Variants in MAP3K2 observed in about 807,000 individuals in gnomAD.
MAP3K2 encodes mitogen-activated protein kinase kinase kinase 2.
Under a neutral mutation model 80.3 loss-of-function variants are expected in MAP3K2, and 24 were observed. That is an observed-to-expected ratio of 0.30 (90% CI 0.22 to 0.42). The LOEUF is 0.42. MAP3K2 is among the 10% of genes least tolerant of loss of function. The probability of loss-of-function intolerance (pLI) is 1.00; values close to 1 mark genes in which losing one functional copy is unlikely to be tolerated. For missense variants in MAP3K2, 608 were observed against 750.1 expected (o/e 0.81, Z 2.21); for synonymous variants, 244 against 253.7 (o/e 0.96, Z 0.36).
rs1686951925 is a variant in MAP3K2, at chr2:127,365,192, T to C, written c.-65-21998A>G. 3.6e-5 allele frequency among the ~76,000 whole-genome samples: 5 copies of C among 140,080 alleles called. No individual in the cohort carries two copies. The Admixed American group carries it at 3.6e-4, about 10-fold the overall frequency. 91.9% of individuals were successfully genotyped at this position (140,080 alleles called of 152,430 possible). ...AATGGCTTGCACTGAGCAGACACTCTAAGTGTTTTACATTTGATTTCATCC... is the reference window on the plus strand; with the variant it reads ...AATGGCTTGCACTGAGCAGACACTCCAAGTGTTTTACATTTGATTTCATCC... On this transcript the variant is annotated intron_variant, in intron 1 of 16. Transcript: ENST00000682094.
At position 127,306,667 on chromosome 2, in the gene MAP3K2, G is replaced by GTT. The variant is rs1685705927; in HGVS notation, c.*911_*912insAA. 1 of 151,994 alleles carries GTT rather than the reference G, an allele frequency of 6.6e-6. No individual in the cohort carries two copies. Among genetic ancestry groups the GTT allele is most frequent in the Non-Finnish European group, 1.5e-5 (1 of 67,998 alleles). 9.4% of individuals were successfully genotyped at this position (151,994 alleles called of 1,614,324 possible). A position where few individuals can be genotyped will look rare whatever the true frequency, so the allele number is the denominator to read the frequency against. On this transcript the variant is annotated 3_prime_UTR_variant, in exon 17 of 17. Coordinates refer to ENST00000682094, the MANE Select transcript of MAP3K2 (RefSeq NM_001371910.2). This position sits in a 1 kb window ranked among gnomAD's most constrained non-coding sequence, Gnocchi z 4.7. The stretch of plus-strand genomic sequence containing the variant: ...TTCTCCATTCCTTTAATTTTGGGAC[G>GTT]TCCCCCTCAAGTAAAACAAAACAAA...
chr2:127,382,393 T>TA (rs1475661075), intron 1 of MAP3K2, among the ~76,000 whole-genome samples: 1 of 152,178 alleles, frequency 6.6e-6, no homozygotes. Flanking sequence ...TAGTGTTTTT[T>TA]AAAAAAAGAT....
At chr2:127,316,921 G>T (rs879134571) in intron 14 of MAP3K2, 1 of 152,062 alleles carries the variant, frequency 6.6e-6, no homozygotes, top group African/African-American at 2.4e-5. Context: ...ATACAGAGAA[G>T]ATTAGCACGG....
At chr2:127,386,788 G>A (rs555687299) in intron 1 of MAP3K2, among the ~76,000 whole-genome samples, 2 of 152,254 alleles carry the variant, frequency 1.3e-5, no homozygotes, top group East Asian at 1.9e-4. Flanking sequence ...AAACTGCCCA[G>A]TTAGTCTCAT....
chr2:127,332,217 A>G (rs1201261824), intron 5 of MAP3K2, among the ~76,000 whole-genome samples: 1 of 152,178 alleles, frequency 6.6e-6, no homozygotes, highest in Non-Finnish European at 1.5e-5. Context: ...TCTTGCTTCT[A>G]TCTTCAATAG....
chr2:127,372,698 G>A (rs1687086508), intron 1 of MAP3K2, among the ~76,000 whole-genome samples: 1 of 152,136 alleles, frequency 6.6e-6, no homozygotes, highest in East Asian at 1.9e-4. Context: ...AATGGCCACA[G>A]TTATTCCTCC....
Position 127,300,692 on chromosome 2 carries a change from T to A in MAP3K2, c.*6887A>T, listed in dbSNP as rs1017592455. 1.3e-5 allele frequency: 2 copies of A among 152,158 alleles called. No homozygotes were observed. The highest frequency in any genetic ancestry group is 2.9e-5 in the Non-Finnish European group (2 of 68,010). 9.4% of individuals were successfully genotyped at this position (152,158 alleles called of 1,614,324 possible). A position where few individuals can be genotyped will look rare whatever the true frequency, so the allele number is the denominator to read the frequency against. ...ACTAATTAAGATTGCATTAAAACAATTGTTGGTCTTTAAAGAAGTATTCTT... is the reference window on the plus strand; with the variant it reads ...ACTAATTAAGATTGCATTAAAACAAATGTTGGTCTTTAAAGAAGTATTCTT... On this transcript the variant is annotated 3_prime_UTR_variant, in exon 17 of 17. Coordinates refer to ENST00000682094, the MANE Select transcript of MAP3K2 (RefSeq NM_001371910.2).
chr2:127,349,364 C>G (rs1260184652), intron 1 of MAP3K2, among the ~76,000 whole-genome samples: 2 of 151,980 alleles, frequency 1.3e-5, no homozygotes, highest in African/African-American at 2.4e-5. Flanking sequence ...TGGCGTCTCA[C>G]TGTGTTGCCC....
intron 1 of MAP3K2, among the ~76,000 whole-genome samples, chr2:127,344,575 T>G (rs1354137531): frequency 6.6e-6 from 1 of 151,172 alleles, no homozygotes; most frequent in Non-Finnish European, 1.5e-5. Context: ...AAGGCTAAAG[T>G]GGGAAGACTG....
At position 127,321,091 on chromosome 2, in the gene MAP3K2, G is replaced by A. The variant is rs1359929348; in HGVS notation, c.1045+955C>T. Among the ~76,000 whole-genome samples the A allele has an allele frequency of 1.3e-5, 2 of 152,324 alleles. No individual in the cohort carries two copies. The highest frequency in any genetic ancestry group is 2.9e-5 in the Non-Finnish European group (2 of 68,036). ...GTTGAGATTGCACCACAGCCTGAGT[G>A]ACAGAGTGAGATCCTGTTTCAAAAA... is the stretch of plus-strand genomic sequence containing the variant. On this transcript the variant is annotated intron_variant, in intron 12 of 16. Coordinates refer to ENST00000682094, the MANE Select transcript of MAP3K2 (RefSeq NM_001371910.2). The surrounding 1 kb of genome is among the most constrained non-coding windows in gnomAD (Gnocchi z 4.4).
intron 2 of MAP3K2, among the ~76,000 whole-genome samples, chr2:127,341,201 G>T (rs186097318): frequency 4.6e-5 from 7 of 151,912 alleles, no homozygotes; most frequent in African/African-American, 1.5e-4. Flanking sequence ...GAGTTAGCCA[G>T]GTTGGTCTCG....
intron 1 of MAP3K2, among the ~76,000 whole-genome samples, chr2:127,384,299 C>T (rs997672371): frequency 5.9e-5 from 9 of 151,436 alleles, no homozygotes; most frequent in Non-Finnish European, 1.0e-4. Flanking sequence ...TAACTTTATA[C>T]GCACTGTGAA....
chr2:127,333,955 C>T (rs892830854), intron 5 of MAP3K2, among the ~76,000 whole-genome samples: 22 of 151,916 alleles, frequency 1.4e-4, no homozygotes, highest in African/African-American at 5.3e-4. Flanking sequence ...AAAAATTATC[C>T]GGGAGCAGTG....
chr2:127,313,811 C>T (rs1446819758), intron 15 of MAP3K2, among the ~76,000 whole-genome samples: 4 of 151,998 alleles, frequency 2.6e-5, no homozygotes, highest in Admixed American at 2.0e-4. Context: ...TCCATAATGA[C>T]GTGGAATCAT....
At chr2:127,358,038 C>A (rs915046942) in intron 1 of MAP3K2, among the ~76,000 whole-genome samples, 1 of 151,938 alleles carries the variant, frequency 6.6e-6, no homozygotes, top group Non-Finnish European at 1.5e-5. Context: ...AAAACACAAG[C>A]CACAGACTAC....
chr2:127,365,912 T>C (rs1686962839), intron 1 of MAP3K2, among the ~76,000 whole-genome samples: 1 of 152,232 alleles, frequency 6.6e-6, no homozygotes, highest in East Asian at 1.9e-4. Context: ...CTCTGTTTTC[T>C]TGATTGAGCC....
rs1685622061 is a variant in MAP3K2, at chr2:127,302,727, G to A, written c.*4852C>T. On this transcript the variant is annotated 3_prime_UTR_variant, in exon 17 of 17. Transcript: ENST00000682094. ...CCAAGAACTTGGACAGTGCCAATGT[G>A]ATTGAAAATCAAATATTCAACCCAG... 6.6e-6 allele frequency: 1 copy of A among 152,204 alleles called. No homozygotes were observed. The highest frequency in any genetic ancestry group is 1.5e-5 in the Non-Finnish European group (1 of 68,008). 9.4% of individuals were successfully genotyped at this position (152,204 alleles called of 1,614,324 possible).
chr2:127,368,763 A>G (rs1687014412), intron 1 of MAP3K2, among the ~76,000 whole-genome samples: 1 of 152,076 alleles, frequency 6.6e-6, no homozygotes, highest in African/African-American at 2.4e-5. Context: ...GTTATAAGTT[A>G]TTTTTTAAAT....
At chr2:127,312,805 A>T (rs1306894157) in intron 15 of MAP3K2, among the ~76,000 whole-genome samples, 1 of 152,142 alleles carries the variant, frequency 6.6e-6, no homozygotes, top group African/African-American at 2.4e-5. Context: ...TCTACTAAAA[A>T]TACAAAATTA....
Sources: gnomAD v4.1 joint callset for allele counts (sites outside exome capture counted in the v4.1 genomes callset) on GRCh38, gnomAD v4.1.1 for gene constraint, Gnocchi (gnomAD v3.1) non-coding constraint, MANE v1.5 for transcripts, NCBI Gene and HGNC (gene_info 2026-07-23, HGNC 2026-07-21) for gene names.